DYM: variants seen among roughly 807,000 people sequenced by gnomAD.
DYM encodes dyggve-Melchior-Clausen syndrome protein.
A neutral mutation model predicts 93.1 loss-of-function variants in DYM; 78 were observed. That is an observed-to-expected ratio of 0.84 (90% CI 0.70 to 1.01). The LOEUF is 1.01. Ranked by LOEUF, DYM falls within the 50% of genes least tolerant of loss-of-function variation. DYM has a pLI of 0.00. For synonymous variants in DYM, 321 were observed against 319.7 expected (o/e 1.00, Z -0.04); for missense variants, 789 against 845.0 (o/e 0.93, Z 0.82).
intron 15 of DYM, among the ~76,000 whole-genome samples, chr18:49,129,156 T>C (rs1158257184): frequency 1.3e-5 from 2 of 151,078 alleles, no homozygotes; most frequent in Non-Finnish European, 2.9e-5. Context: ...TAGCTCCAAG[T>C]CCATGGAGAG....
At chr18:49,379,994 C>A (rs2067890852) in intron 3 of DYM, among the ~76,000 whole-genome samples, 1 of 151,932 alleles carries the variant, frequency 6.6e-6, no homozygotes, top group Non-Finnish European at 1.5e-5. Flanking sequence ...GTACAAGTAG[C>A]CATCTTATCT....
At chr18:49,224,063 A>C (rs1180025882) in intron 13 of DYM, among the ~76,000 whole-genome samples, 1 of 152,090 alleles carries the variant, frequency 6.6e-6, no homozygotes, top group Non-Finnish European at 1.5e-5. Flanking sequence ...GAGAGTAGGC[A>C]CTAAGGCGAT....
intron 15 of DYM, among the ~76,000 whole-genome samples, chr18:49,130,721 G>A (rs1379741661): frequency 6.6e-6 from 1 of 152,152 alleles, no homozygotes; most frequent in Non-Finnish European, 1.5e-5. Flanking sequence ...TGTATGACTT[G>A]GTAGGTGCTA....
At chr18:49,387,260 G>A (rs1354732788) in intron 3 of DYM, among the ~76,000 whole-genome samples, 1 of 151,320 alleles carries the variant, frequency 6.6e-6, no homozygotes, top group African/African-American at 2.4e-5. Context: ...CTGTTATAGT[G>A]ATCTCTAATC....
intron 15 of DYM, among the ~76,000 whole-genome samples, chr18:49,127,350 A>G (rs2082922721): frequency 6.6e-6 from 1 of 152,242 alleles, no homozygotes; most frequent in Non-Finnish European, 1.5e-5. Flanking sequence ...GAAGTTGGCC[A>G]TTGTGGGAAT....
intron 13 of DYM, among the ~76,000 whole-genome samples, chr18:49,236,112 A>G (rs186121149): frequency 6.6e-6 from 1 of 152,182 alleles, no homozygotes; most frequent in Non-Finnish European, 1.5e-5. Flanking sequence ...TTTAAAAAAC[A>G]TATTTCAAAG....
rs1479303427 is a variant in DYM at position 49,441,129 on chromosome 18, T to A, written c.-53-10682A>T. 1.3e-3 allele frequency among the ~76,000 whole-genome samples: 5 copies of A among 3,980 alleles called. 1 individual carries two copies. The South Asian group carries it at 0.037, about 30-fold the overall frequency. The allele number at this position is 3,980 out of a possible 152,430, so 2.6% of individuals were successfully genotyped here. On this transcript the variant is annotated intron_variant, in intron 1 of 17. Coordinates refer to ENST00000675505, the MANE Select transcript of DYM (RefSeq NM_001353214.3). ...TATTAATATAAATATATTATATATT[T>A]ATATAAATATATTATATAATATAAT...
rs1379000929 is a variant in DYM at position 49,037,053 on chromosome 18, C to T, written c.*7002G>A. Among the ~76,000 whole-genome samples the T allele has an allele frequency of 1.3e-5, 2 of 152,116 alleles. No individual in the cohort carries two copies. Among genetic ancestry groups the T allele is most frequent in the East Asian group, 3.8e-4 (2 of 5,198 alleles). On this transcript the variant is annotated 3_prime_UTR_variant, in exon 18 of 18. Coordinates refer to ENST00000675505, the MANE Select transcript of DYM (RefSeq NM_001353214.3). The stretch of plus-strand genomic sequence containing the variant: ...CGTAGCTGGGACTACAGATGCCCAC[C>T]ACCACGCCCAGCTAATTTTTGTATT...
intron 5 of DYM, 121 bp downstream of exon 5, chr18:49,378,446 C>T (rs1780689730): frequency 3.1e-6 from 3 of 959,722 alleles, no homozygotes; most frequent in South Asian, 3.1e-5. Flanking sequence ...AGTATAAGTT[C>T]ATTTTAAAAT....
intron 14 of DYM, among the ~76,000 whole-genome samples, chr18:49,182,460 T>C (rs892885835): frequency 7.2e-5 from 11 of 152,338 alleles, no homozygotes; most frequent in African/African-American, 2.6e-4. Context: ...CAAATGTGTA[T>C]GTTATAAAGT....
At chr18:49,200,334 C>T (rs1382393900) in intron 14 of DYM, among the ~76,000 whole-genome samples, 2 of 151,920 alleles carry the variant, frequency 1.3e-5, no homozygotes, top group South Asian at 2.1e-4. Flanking sequence ...TATTTTTATA[C>T]ATTATCTGGT....
chr18:49,444,722 G>A (rs934275283), intron 1 of DYM, among the ~76,000 whole-genome samples: 7 of 152,098 alleles, frequency 4.6e-5, no homozygotes, highest in Non-Finnish European at 8.8e-5. Flanking sequence ...ATCCTCAATT[G>A]GAAGTGATTA....
At chr18:49,296,436 G>C (rs1000802639) in intron 8 of DYM, among the ~76,000 whole-genome samples, 9 of 152,116 alleles carry the variant, frequency 5.9e-5, no homozygotes, top group African/African-American at 1.7e-4. Flanking sequence ...ATTGAGCAAA[G>C]TACAAAAAAC....
intron 5 of DYM, among the ~76,000 whole-genome samples, chr18:49,369,355 G>T (rs112594283): frequency 6.6e-5 from 10 of 152,176 alleles, no homozygotes; most frequent in Admixed American, 6.5e-5. Flanking sequence ...AAACTGGGAA[G>T]GGGGGTGGCC....
chr18:49,449,996 A>G (rs2082388017), intron 1 of DYM, among the ~76,000 whole-genome samples: 1 of 152,228 alleles, frequency 6.6e-6, no homozygotes, highest in South Asian at 2.1e-4. Context: ...CAAGGCTTAT[A>G]AAAACAGTGA....
chr18:49,097,311 C>T, intron 17 of DYM, 91 bp downstream of exon 17: 1 of 1,147,118 alleles, frequency 8.7e-7, no homozygotes, highest in Non-Finnish European at 1.3e-6. Context: ...ACTGGATAAG[C>T]AGCATGATTC....
intron 15 of DYM, among the ~76,000 whole-genome samples, chr18:49,126,845 T>C (rs1482100097): frequency 6.6e-6 from 1 of 152,210 alleles, no homozygotes; most frequent in African/African-American, 2.4e-5. Flanking sequence ...TTTCCAAAGT[T>C]GAAATTACTA....
chr18:49,089,320 T>C (rs756977047), intron 17 of DYM, among the ~76,000 whole-genome samples: 1 of 152,244 alleles, frequency 6.6e-6, no homozygotes, highest in African/African-American at 2.4e-5. Flanking sequence ...GAAAAGCATA[T>C]GCAACATTTA....
At chr18:49,271,950 C>G (rs2094710507) in intron 11 of DYM, among the ~76,000 whole-genome samples, 1 of 137,600 alleles carries the variant, frequency 7.3e-6, no homozygotes, top group Non-Finnish European at 1.5e-5. Flanking sequence ...GCATTTGTAT[C>G]AATTACCAAA....
Sources: gnomAD v4.1 joint callset for allele counts (sites outside exome capture counted in the v4.1 genomes callset) on GRCh38, gnomAD v4.1.1 for gene constraint, MANE v1.5 for transcripts, NCBI Gene and HGNC (gene_info 2026-07-23, HGNC 2026-07-21) for gene names.